DMD: variants seen among roughly 807,000 people sequenced by gnomAD.
The protein encoded by DMD is mutant dystrophin.
Under a neutral mutation model 330.1 loss-of-function variants are expected in DMD, and 63 were observed. The observed-to-expected ratio is 0.19, with a 90% CI of 0.16 to 0.24. The LOEUF is 0.24. DMD is among the 10% of genes least tolerant of loss of function. The probability of loss-of-function intolerance (pLI) is 1.00; values close to 1 mark genes in which losing one functional copy is unlikely to be tolerated. For synonymous variants in DMD, 1,223 were observed against 959.8 expected (o/e 1.27, Z -5.07); for missense variants, 3,344 against 2,684.1 (o/e 1.25, Z -5.43).
intron 1 of DMD, among the ~76,000 whole-genome samples, chrX:33,185,470 C>T (rs775846404): frequency 5.4e-5 from 6 of 111,366 alleles, no homozygotes; most frequent in Non-Finnish European, 1.1e-4. Context: ...TATTCACACT[C>T]CCCCAGGGTT....
intron 44 of DMD, among the ~76,000 whole-genome samples, chrX:32,002,476 T>C (rs2095633746): frequency 8.9e-6 from 1 of 112,041 alleles, no homozygotes; most frequent in Admixed American, 9.5e-5. Flanking sequence ...CATATCATCT[T>C]TACACCTAGC....
At chrX:32,998,074 G>A (rs2093172239) in intron 2 of DMD, among the ~76,000 whole-genome samples, 1 of 110,409 alleles carries the variant, frequency 9.1e-6, no homozygotes, top group African/African-American at 3.3e-5. Flanking sequence ...AGAAATAAAG[G>A]TAGAGGCTAG....
rs202188105 is a variant in DMD, at chrX:32,046,710, AT to A, written c.6439-78197del. On this transcript the variant is annotated intron_variant, in intron 44 of 78. Transcript: ENST00000357033. ...AGGCAGGAAAGATAGATTTAATGGC[AT>A]TTTTTTTGTTTTAAATAATGCTTAA... Among the ~76,000 whole-genome samples the A allele has an allele frequency of 3.6e-5, 4 of 111,134 alleles. No homozygotes were observed. In the East Asian group the frequency reaches 8.5e-4, roughly 24 times the overall value.
intron 9 of DMD, among the ~76,000 whole-genome samples, chrX:32,687,805 G>C (rs1245541575): frequency 9.0e-6 from 1 of 110,863 alleles, no homozygotes; most frequent in Non-Finnish European, 1.9e-5. Context: ...TTTGCTATAT[G>C]GCAATAGTTA....
intron 2 of DMD, among the ~76,000 whole-genome samples, chrX:33,017,878 G>C (rs760831988): frequency 9.0e-6 from 1 of 111,551 alleles, no homozygotes; most frequent in East Asian, 2.8e-4. Flanking sequence ...TATCCTACAG[G>C]GCTAGAATTC....
At chrX:32,775,386 T>C (rs1435683499) in intron 7 of DMD, among the ~76,000 whole-genome samples, 1 of 112,761 alleles carries the variant, frequency 8.9e-6, no homozygotes, top group Non-Finnish European at 1.9e-5. Context: ...TGCATTGCCC[T>C]AGTAGAGGTT....
At chrX:31,407,802 A>C (rs772548620) in intron 60 of DMD, among the ~76,000 whole-genome samples, 1 of 110,712 alleles carries the variant, frequency 9.0e-6, no homozygotes, top group Non-Finnish European at 1.9e-5. Context: ...AAAAATTATC[A>C]CTCAACGTAC....
At chrX:32,959,646 C>G (rs981057617) in intron 2 of DMD, among the ~76,000 whole-genome samples, 2 of 111,362 alleles carry the variant, frequency 1.8e-5, no homozygotes, top group Non-Finnish European at 1.9e-5. Context: ...GGGACTCCTA[C>G]AACCTACTGA....
intron 44 of DMD, among the ~76,000 whole-genome samples, chrX:32,121,765 A>T (rs1225722080): frequency 2.9e-5 from 3 of 102,392 alleles, no homozygotes; most frequent in Non-Finnish European, 2.0e-5. Flanking sequence ...GTATACACAC[A>T]CTCACTATAT....
At chrX:32,129,094 C>T (rs1008176437) in intron 44 of DMD, among the ~76,000 whole-genome samples, 7 of 111,575 alleles carry the variant, frequency 6.3e-5, no homozygotes, top group African/African-American at 2.3e-4. Flanking sequence ...CCTCCTTTTC[C>T]TCATCTTTTC....
Position 32,308,518 on chromosome X carries a change from C to A in DMD, c.6117+1564G>T, listed in dbSNP as rs754155400. Among the ~76,000 whole-genome samples, 3 of 111,220 alleles carry A rather than the reference C, an allele frequency of 2.7e-5. No homozygotes were observed. In the South Asian group the frequency reaches 1.1e-3, roughly 41 times the overall value. On this transcript the variant is annotated intron_variant, in intron 42 of 78. Coordinates refer to ENST00000357033, the MANE Select transcript of DMD (RefSeq NM_004006.3). ...CAATGAAGGTAGGAAGCCCATTCAC[C>A]TGCTGGAGATTTGTTGGGAGACAGA...
intron 44 of DMD, among the ~76,000 whole-genome samples, chrX:32,008,722 CTG>C (rs939057607): frequency 2.7e-5 from 3 of 111,666 alleles, no homozygotes; most frequent in Admixed American, 9.5e-5. Flanking sequence ...AATCATTTAA[CTG>C]TTCACAGAGG....
At chrX:31,756,688 A>G (rs753503552) in intron 51 of DMD, among the ~76,000 whole-genome samples, 1 of 112,812 alleles carries the variant, frequency 8.9e-6, no homozygotes, top group African/African-American at 3.2e-5. Flanking sequence ...AATGCCTGGT[A>G]TATACTAGAA....
intron 1 of DMD, among the ~76,000 whole-genome samples, chrX:33,091,285 A>G (rs973913481): frequency 9.8e-5 from 11 of 111,920 alleles, no homozygotes; most frequent in Non-Finnish European, 1.3e-4. Flanking sequence ...ATATTTATGT[A>G]TCTTCTGGTC....
chrX:31,288,948 C>G (rs746453001), intron 62 of DMD, among the ~76,000 whole-genome samples: 2 of 110,656 alleles, frequency 1.8e-5, no homozygotes, highest in East Asian at 5.6e-4. Context: ...TTAACCCTCT[C>G]TGTCAACATT....
chrX:31,814,095 A>T (rs2092541650), intron 50 of DMD, among the ~76,000 whole-genome samples: 1 of 110,427 alleles, frequency 9.1e-6, no homozygotes, highest in South Asian at 3.9e-4. Flanking sequence ...AGGCTTCTTG[A>T]CCTCCAATAC....
chrX:32,927,363 C>CTTTT (rs536073565), intron 2 of DMD, among the ~76,000 whole-genome samples: 19 of 56,970 alleles, frequency 3.3e-4, no homozygotes, highest in Non-Finnish European at 5.0e-4. Flanking sequence ...TTCTTTCTTT[C>CTTTT]TTTTTTTTTT....
At chrX:32,382,886 T>A (rs2097934500) in intron 33 of DMD, among the ~76,000 whole-genome samples, 1 of 110,841 alleles carries the variant, frequency 9.0e-6, no homozygotes, top group African/African-American at 3.3e-5. Context: ...ACTGCCATCT[T>A]AAGGAAAATT....
chrX:33,004,132 ACATCT>A (rs1264844885), intron 2 of DMD, among the ~76,000 whole-genome samples: 1 of 108,327 alleles, frequency 9.2e-6, no homozygotes, highest in Admixed American at 1.0e-4. Flanking sequence ...ATGAGTATGA[ACATCT>A]ATAAATATGT....
Sources: allele counts gnomAD v4.1 joint callset (sites outside exome capture counted in the v4.1 genomes callset), GRCh38; gene constraint gnomAD v4.1.1; transcripts MANE v1.5; gene names NCBI Gene and HGNC (gene_info 2026-07-23, HGNC 2026-07-21).